The following INVS variants were observed in gnomAD, a reference collection of about 807,000 sequenced individuals.
INVS encodes inversion of embryo turning homolog.
In INVS, 86 loss-of-function variants were observed where a neutral mutation model predicts 108.8. The ratio of observed to expected loss-of-function variants is 0.79; its 90% CI spans 0.66 to 0.95. The LOEUF (loss-of-function observed/expected upper bound fraction) is 0.95. Among genes scored for constraint, INVS ranks in the 40% least tolerant of loss-of-function variants. The probability of loss-of-function intolerance (pLI) is 0.00; values close to 1 mark genes in which losing one functional copy is unlikely to be tolerated. For synonymous variants in INVS, 455 were observed against 473.5 expected, an observed-to-expected ratio of 0.96 and a Z score of 0.51; for missense variants, 1,169 against 1,297.4, an observed-to-expected ratio of 0.90 and a Z score of 1.52.
intron 5 of INVS, among the ~76,000 whole-genome samples, chr9:100,238,315 C>T (rs1831755114): frequency 6.6e-6 from 1 of 152,094 alleles, no homozygotes; most frequent in African/African-American, 2.4e-5. Flanking sequence ...TATTATTGCT[C>T]TTAAGGAGTC....
chr9:100,171,660 A>G (rs765129320), intron 3 of INVS, among the ~76,000 whole-genome samples: 1 of 152,164 alleles, frequency 6.6e-6, no homozygotes, highest in Non-Finnish European at 1.5e-5. Flanking sequence ...TATTATTTAA[A>G]TTGGACTAAA....
intron 5 of INVS, among the ~76,000 whole-genome samples, chr9:100,231,530 C>T (rs1451093431): frequency 6.7e-6 from 1 of 149,910 alleles, no homozygotes; most frequent in Non-Finnish European, 1.5e-5. Flanking sequence ...CCAACAGGCC[C>T]CACTGTGTGA....
intron 3 of INVS, among the ~76,000 whole-genome samples, chr9:100,205,724 A>T (rs955613397): frequency 1.3e-5 from 2 of 151,908 alleles, no homozygotes; most frequent in African/African-American, 4.8e-5. Flanking sequence ...CAAACCACTC[A>T]CATATAGTAT....
At chr9:100,147,565 T>C (rs1828659240) in intron 3 of INVS, among the ~76,000 whole-genome samples, 1 of 152,196 alleles carries the variant, frequency 6.6e-6, no homozygotes, top group African/African-American at 2.4e-5. Flanking sequence ...TGCAAATGCA[T>C]ATACCCTTTG....
At chr9:100,150,942 G>A (rs1828789745) in intron 3 of INVS, among the ~76,000 whole-genome samples, 1 of 152,168 alleles carries the variant, frequency 6.6e-6, no homozygotes, top group East Asian at 1.9e-4. Context: ...GGGGATGGCT[G>A]GGGAGGACAG....
At chr9:100,190,103 G>A (rs1470089587) in intron 3 of INVS, among the ~76,000 whole-genome samples, 1 of 152,002 alleles carries the variant, frequency 6.6e-6, no homozygotes, top group African/African-American at 2.4e-5. Flanking sequence ...CTTCTTGTTG[G>A]ATTGATCCTT....
intron 3 of INVS, among the ~76,000 whole-genome samples, chr9:100,220,392 GA>G (rs1342033417): frequency 3.3e-5 from 5 of 151,554 alleles, no homozygotes; most frequent in Admixed American, 6.6e-5. Context: ...AATGAAAAAC[GA>G]AAAAAAATTT....
intron 3 of INVS, among the ~76,000 whole-genome samples, chr9:100,162,813 C>T (rs1015204548): frequency 1.4e-5 from 2 of 146,222 alleles, no homozygotes; most frequent in African/African-American, 5.3e-5. Context: ...GGTGACAGAG[C>T]AAGACTCCAT....
intron 2 of INVS, among the ~76,000 whole-genome samples, chr9:100,107,655 A>G (rs942637521): frequency 2.6e-5 from 4 of 152,208 alleles, no homozygotes; most frequent in African/African-American, 9.6e-5. Context: ...TTCTTCAAAG[A>G]GGCCTGCTAA....
chr9:100,230,122 T>C (rs1304336443), intron 5 of INVS, among the ~76,000 whole-genome samples: 1 of 152,240 alleles, frequency 6.6e-6, no homozygotes, highest in Non-Finnish European at 1.5e-5. Context: ...TTTCCTTACT[T>C]TGTTTCATAC....
chr9:100,300,752 T>C lies in INVS; in HGVS notation c.*78T>C. 9.8e-7 allele frequency: 1 copy of C among 1,019,252 alleles called. No individual in the cohort carries two copies. The highest frequency in any genetic ancestry group is 1.5e-6 in the Non-Finnish European group (1 of 656,104). The allele number at this position is 1,019,252 out of a possible 1,614,324, so 63.1% of individuals were successfully genotyped here. ...TTCAGATTTTCTGCTGATAATCTTT[T>C]ACACCTTGGGAAAACTTTAATATCC... On this transcript the variant is annotated 3_prime_UTR_variant, in exon 17 of 17. Coordinates refer to ENST00000262457, the MANE Select transcript of INVS (RefSeq NM_014425.5).
intron 3 of INVS, among the ~76,000 whole-genome samples, chr9:100,181,597 T>A (rs1301274937): frequency 6.6e-6 from 1 of 151,980 alleles, no homozygotes; most frequent in South Asian, 2.1e-4. Context: ...TATAAACCAC[T>A]GCTCAAAGAA....
At chr9:100,261,434 T>A (rs1234168193) in intron 10 of INVS, among the ~76,000 whole-genome samples, 2 of 151,706 alleles carry the variant, frequency 1.3e-5, no homozygotes, top group Non-Finnish European at 2.9e-5. Flanking sequence ...CCTAGCTAAT[T>A]TTTTTTTGTA....
intron 3 of INVS, among the ~76,000 whole-genome samples, chr9:100,177,288 C>T (rs995166008): frequency 5.9e-5 from 9 of 152,136 alleles, no homozygotes; most frequent in African/African-American, 2.2e-4. Flanking sequence ...CATTCTCTCC[C>T]CTGGAAAGGG....
chr9:100,284,292 T>C (rs973045125), intron 12 of INVS, 28 bp from the exon 13 acceptor site: 1 of 1,613,000 alleles, frequency 6.2e-7, no homozygotes, highest in South Asian at 1.1e-5. Context: ...TTAAATTTTT[T>C]CATCTTCTTC....
intron 2 of INVS, among the ~76,000 whole-genome samples, chr9:100,119,343 A>C (rs1194923319): frequency 1.3e-5 from 2 of 152,184 alleles, no homozygotes; most frequent in Non-Finnish European, 2.9e-5. Context: ...TTTTTAATAA[A>C]GTACTATATT....
chr9:100,174,027 A>T (rs936663917), intron 3 of INVS, among the ~76,000 whole-genome samples: 7 of 152,252 alleles, frequency 4.6e-5, no homozygotes, highest in African/African-American at 1.7e-4. Flanking sequence ...GAATCTTTAC[A>T]ACACATCATT....
At chr9:100,161,313 C>G (rs1007825886) in intron 3 of INVS, among the ~76,000 whole-genome samples, 9 of 145,068 alleles carry the variant, frequency 6.2e-5, no homozygotes, top group Admixed American at 2.1e-4. Flanking sequence ...GAGACGAGAT[C>G]GCACCACTGC....
At chr9:100,127,257 T>G (rs1262367104) in intron 3 of INVS, among the ~76,000 whole-genome samples, 3 of 152,122 alleles carry the variant, frequency 2.0e-5, no homozygotes, top group African/African-American at 2.4e-5. Context: ...TTGAAATATG[T>G]GGCATTAAGA....
Sources: allele counts gnomAD v4.1 joint callset (sites outside exome capture counted in the v4.1 genomes callset), GRCh38; gene constraint gnomAD v4.1.1; transcripts MANE v1.5; gene names NCBI Gene and HGNC (gene_info 2026-07-23, HGNC 2026-07-21).